Variants in HPS5 observed in about 807,000 individuals in gnomAD.
HPS5 encodes HPS5 biogenesis of lysosomal organelles complex 2 subunit 2.
HPS5 carries 83 observed loss-of-function variants against 128.0 expected under a neutral mutation model. That is an observed-to-expected ratio of 0.65 (90% CI 0.54 to 0.78). The LOEUF (loss-of-function observed/expected upper bound fraction) is 0.78, where lower values mean the gene tolerates loss of function less well. Ranked by LOEUF, HPS5 falls within the 30% of genes least tolerant of loss-of-function variation. The probability of loss-of-function intolerance (pLI) is 0.00; values close to 1 mark genes in which losing one functional copy is unlikely to be tolerated. For missense variants in HPS5, 1,281 were observed against 1,326.2 expected (o/e 0.97, Z 0.53); for synonymous variants, 475 against 470.2 (o/e 1.01, Z -0.13).
intron 10 of HPS5, among the ~76,000 whole-genome samples, chr11:18,298,572 T>G (rs888395103): frequency 3.9e-5 from 6 of 152,108 alleles, no homozygotes; most frequent in Non-Finnish European, 8.8e-5. Flanking sequence ...TGAAACAAAT[T>G]TGTATGTAAA....
At chr11:18,313,233 A>G (rs80086578) in intron 2 of HPS5, among the ~76,000 whole-genome samples, 3 of 152,058 alleles carry the variant, frequency 2.0e-5, no homozygotes, top group Non-Finnish European at 4.4e-5. Flanking sequence ...AAAAAAAAAA[A>G]TAGCTCAGGG....
intron 8 of HPS5, among the ~76,000 whole-genome samples, chr11:18,304,653 G>T (rs1429815757): frequency 6.6e-6 from 1 of 152,172 alleles, no homozygotes; most frequent in African/African-American, 2.4e-5. Context: ...GCCTTTCAAA[G>T]AACTGAATCA....
rs757615017 is a variant in HPS5, at chr11:18,280,744, G to C, written c.3330-802C>G. 139 of 533,904 alleles carry C rather than the reference G, an allele frequency of 2.6e-4. 1 individual carries two copies. Among genetic ancestry groups the C allele is most frequent in the Non-Finnish European group, 4.3e-4 (131 of 302,420 alleles). 33.1% of individuals were successfully genotyped at this position (533,904 alleles called of 1,614,324 possible). On this transcript the variant is annotated intron_variant, in intron 22 of 22. Transcript: ENST00000349215. ...AAATCCTGACACATGCTACAACATG[G>C]ATAAACCTTTAGGATGCTATGCTCA...
At chr11:18,294,891 C>A in intron 14 of HPS5, 129 bp downstream of exon 14, 2 of 900,628 alleles carry the variant, frequency 2.2e-6, no homozygotes, top group South Asian at 1.5e-5. Flanking sequence ...TGTGTTGGGC[C>A]ACGTTCAAAG....
At chr11:18,294,415 G>GAGCATCAGTGACATTCCCAA (rs2134311138) in intron 14 of HPS5, among the ~76,000 whole-genome samples, 1 of 152,226 alleles carries the variant, frequency 6.6e-6, no homozygotes, top group East Asian at 1.9e-4. Context: ...ACAGGCCAGA[G>GAGCATCAGTGACATTCCCAA]AGCATCAGTG....
chr11:18,291,922 T>A lies in HPS5; in HGVS notation c.1960A>T (p.Lys654Ter), dbSNP rs1179872960. The A allele has an allele frequency of 1.1e-5, 18 of 1,609,218 alleles. No homozygotes were observed. The highest frequency in any genetic ancestry group is 5.1e-5 in the Admixed American group (3 of 58,624). ...LSHLEKTFAM[K>*]DFSGVSDTDN... ...GTATCTGAAACACCTGAAAAGTCCT[T>A]CATGGCAAATGTTTTTTCTAAATGT... The change falls in exon 16 of 23, where the codon AAG (lysine) becomes TAG (stop). Residue 654 changes from lysine to a stop codon, truncating the protein, a stop_gained. Transcript: ENST00000349215. LOFTEE classifies it high-confidence loss of function.
At chr11:18,319,185 T>C (rs903614754) in intron 1 of HPS5, among the ~76,000 whole-genome samples, 1 of 150,894 alleles carries the variant, frequency 6.6e-6, no homozygotes, top group Non-Finnish European at 1.5e-5. Flanking sequence ...CCAGGCACAG[T>C]GGTAAAAATA....
At chr11:18,294,958 C>T in intron 14 of HPS5, 62 bp downstream of exon 14, 1 of 1,595,946 alleles carries the variant, frequency 6.3e-7, no homozygotes, top group East Asian at 2.2e-5. Context: ...TGGTCTATGG[C>T]TTTCTTAAAA....
chr11:18,280,614 T>A (rs1858769674), intron 22 of HPS5: 1 of 695,256 alleles, frequency 1.4e-6, no homozygotes, highest in African/African-American at 1.8e-5. Context: ...TTATTCACAA[T>A]AGCCAGAAAG....
At chr11:18,285,704 A>G (rs1859621017) in intron 19 of HPS5, among the ~76,000 whole-genome samples, 1 of 152,218 alleles carries the variant, frequency 6.6e-6, no homozygotes, top group Non-Finnish European at 1.5e-5. Context: ...TTTTAATTCT[A>G]TCATTCCATC....
rs769720246 is a variant in HPS5 at position 18,295,967 on chromosome 11, A to G, written c.1634+32T>C. On this transcript the variant is annotated intron_variant, in intron 13 of 22. Coordinates refer to ENST00000349215, the MANE Select transcript of HPS5 (RefSeq NM_181507.2). ...TGTGAGAACTGAAATAAGATCAGTA[A>G]TGGAATTAAATGACAAGACTAATTG... 9 of 1,600,768 alleles carry G rather than the reference A, an allele frequency of 5.6e-6. No individual in the cohort carries two copies. The South Asian group carries it at 9.9e-5, about 18-fold the overall frequency.
chr11:18,286,538 T>C, intron 19 of HPS5, 53 bp downstream of exon 19: 1 of 1,554,570 alleles, frequency 6.4e-7, no homozygotes. Flanking sequence ...TGAGATCCTG[T>C]CTCAAAAAAA....
chr11:18,282,327 TCAAGAACA>T, intron 21 of HPS5, 107 bp from the exon 22 acceptor site: 1 of 1,255,202 alleles, frequency 8.0e-7, no homozygotes, highest in Non-Finnish European at 1.1e-6. Context: ...GTAAAAATAT[TCAAGAACA>T]CAATCTCATC....
chr11:18,305,355 C>A, intron 8 of HPS5, 67 bp downstream of exon 8: 2 of 1,084,620 alleles, frequency 1.8e-6, no homozygotes, highest in South Asian at 2.6e-5. Flanking sequence ...TACTTCTGAA[C>A]AAGAAACAGA....
chr11:18,317,759 G>T lies in HPS5; in HGVS notation c.100C>A (p.Arg34Ser), dbSNP rs775524606. 1.2e-6 allele frequency: 2 copies of T among 1,613,432 alleles called. No homozygotes were observed. The highest frequency in any genetic ancestry group is 2.7e-5 in the African/African-American group (2 of 74,908). The change falls in exon 2 of 23, where the codon CGT becomes AGT. Residue 34 changes from arginine (R) to serine (S), a missense_variant. Coordinates refer to ENST00000349215, the MANE Select transcript of HPS5 (RefSeq NM_181507.2). ...LLSALRLDSSRLKCTSIAVSR... is the reference protein window; with the variant it reads ...LLSALRLDSSSLKCTSIAVSR... ...AGGATCAAGAAATTCACCTTTAGAC[G>T]ACTGGAGTCCAGCCGCAGGGCTGAG...
At chr11:18,304,350 G>A (rs984294828) in intron 8 of HPS5, among the ~76,000 whole-genome samples, 3 of 151,778 alleles carry the variant, frequency 2.0e-5, no homozygotes, top group African/African-American at 7.3e-5. Flanking sequence ...CCTACTAGCT[G>A]GGATTACAGG....
intron 6 of HPS5, among the ~76,000 whole-genome samples, chr11:18,308,726 G>A (rs911837702): frequency 2.6e-5 from 4 of 152,038 alleles, no homozygotes; most frequent in Admixed American, 2.6e-4. Context: ...TGAGGTAGGA[G>A]GATCGCTTGA....
intron 8 of HPS5, among the ~76,000 whole-genome samples, chr11:18,304,016 C>T (rs1215119253): frequency 6.6e-6 from 1 of 152,096 alleles, no homozygotes; most frequent in African/African-American, 2.4e-5. Flanking sequence ...ATGGAGCTTA[C>T]TGTTTAGGGT....
Position 18,282,292 on chromosome 11 carries a change from CTG to C in HPS5, c.3059-74_3059-73del, listed in dbSNP as rs1039234462. On this transcript the variant is annotated intron_variant, in intron 21 of 22. Coordinates refer to ENST00000349215, the MANE Select transcript of HPS5 (RefSeq NM_181507.2). ...GACTGGATACAGGAGATGGTCAAAA[CTG>C]TGAAAATGTTTAATGCCAAAACGTA... 6 of 1,552,326 alleles carry C rather than the reference CTG, an allele frequency of 3.9e-6. No individual in the cohort carries two copies. In the African/African-American group the frequency reaches 6.8e-5, roughly 18 times the overall value.
Sources: gnomAD v4.1 joint callset for allele counts (sites outside exome capture counted in the v4.1 genomes callset) on GRCh38, gnomAD v4.1.1 for gene constraint, MANE v1.5 for transcripts, NCBI Gene and HGNC (gene_info 2026-07-23, HGNC 2026-07-21) for gene names.